The following RAD54B variants were observed in gnomAD, a reference collection of about 807,000 sequenced individuals.
The protein encoded by RAD54B is RAD54 homolog B, also known as DNA repair and recombination protein RAD54B.
RAD54B carries 78 observed loss-of-function variants against 95.8 expected under a neutral mutation model. The ratio of observed to expected loss-of-function variants is 0.81; its 90% CI spans 0.68 to 0.98. RAD54B has a LOEUF of 0.98. Ranked by LOEUF, RAD54B falls within the 50% of genes least tolerant of loss-of-function variation. The pLI, the probability that RAD54B is intolerant of heterozygous loss-of-function variation, is 0.00. For synonymous variants in RAD54B, 328 were observed against 354.9 expected (o/e 0.92, Z 0.85); for missense variants, 957 against 1,056.6 (o/e 0.91, Z 1.31).
chr8:94,395,413 G>A (rs1194138766), intron 8 of RAD54B, among the ~76,000 whole-genome samples: 1 of 152,048 alleles, frequency 6.6e-6, no homozygotes, highest in Admixed American at 6.6e-5. Context: ...CCATAACGTT[G>A]GTCCTGAAAT....
In RAD54B at chr8:94,372,341, A is replaced by G; in HGVS notation, c.2562T>C (p.Gly854=). The part of the protein sequence containing the change: ...KFIVSRDCQL[G]PHHQKSNSLK... The stretch of plus-strand genomic sequence containing the variant: ...GGGAGTTAGATTTCTGGTGATGTGG[A>G]CCAAGCTGACAATCTCTAGAGACAA... Residue 854 remains glycine, a synonymous_variant, in exon 15 of 15, where the codon GGT becomes GGC. Coordinates refer to ENST00000336148, the MANE Select transcript of RAD54B (RefSeq NM_012415.3). 1 of 1,613,770 alleles carries G rather than the reference A, an allele frequency of 6.2e-7. No individual in the cohort carries two copies. Among genetic ancestry groups the G allele is most frequent in the Non-Finnish European group, 8.5e-7 (1 of 1,179,888 alleles).
chr8:94,385,873 G>C (rs917039428), intron 11 of RAD54B, among the ~76,000 whole-genome samples: 1 of 152,218 alleles, frequency 6.6e-6, no homozygotes, highest in Non-Finnish European at 1.5e-5. Context: ...AGGTGGTTTG[G>C]TATGACTGGA....
At chr8:94,442,576 G>GAAAAA (rs531694623) in intron 3 of RAD54B, among the ~76,000 whole-genome samples, 3 of 45,290 alleles carry the variant, frequency 6.6e-5, no homozygotes, top group Non-Finnish European at 1.4e-4. Context: ...CTCTGTCTCA[G>GAAAAA]AAAAAAAAAA....
intron 4 of RAD54B, 86 bp from the exon 5 acceptor site, chr8:94,407,806 G>C (rs1213389950): frequency 8.8e-7 from 1 of 1,134,952 alleles, no homozygotes; most frequent in African/African-American, 1.6e-5. Flanking sequence ...ACTGCACTTT[G>C]AATGTAAATA....
chr8:94,427,055 A>G (rs1811960399), intron 3 of RAD54B, among the ~76,000 whole-genome samples: 1 of 152,186 alleles, frequency 6.6e-6, no homozygotes, highest in Admixed American at 6.5e-5. Flanking sequence ...GATACTTACT[A>G]TAACTATCTT....
chr8:94,381,252 A>C (rs776335513), intron 11 of RAD54B, among the ~76,000 whole-genome samples: 1 of 152,240 alleles, frequency 6.6e-6, no homozygotes, highest in Non-Finnish European at 1.5e-5. Context: ...ATACTACTAA[A>C]GGATTCATCT....
intron 1 of RAD54B, among the ~76,000 whole-genome samples, chr8:94,468,621 C>A (rs897170082): frequency 2.0e-5 from 3 of 151,558 alleles, no homozygotes; most frequent in African/African-American, 7.3e-5. Flanking sequence ...GTCAGGAGAT[C>A]GAGACCATCC....
intron 7 of RAD54B, 42 bp downstream of exon 7, chr8:94,400,196 A>G (rs1300069018): frequency 6.5e-6 from 10 of 1,534,630 alleles, no homozygotes; most frequent in African/African-American, 4.1e-5. Context: ...GAAAAACTAG[A>G]TTTTTTTTAA....
At chr8:94,372,744 G>T (rs1369792171) in intron 14 of RAD54B, among the ~76,000 whole-genome samples, 1 of 152,008 alleles carries the variant, frequency 6.6e-6, no homozygotes, top group Non-Finnish European at 1.5e-5. Context: ...AATATAATTC[G>T]AACAATCTGG....
At chr8:94,378,666 C>T in intron 12 of RAD54B, 32 bp from the exon 13 acceptor site, 1 of 1,460,266 alleles carries the variant, frequency 6.8e-7, no homozygotes, top group Non-Finnish European at 9.5e-7. Context: ...TCTGAGAGTA[C>T]AGTAGAAACT....
At chr8:94,471,263 G>C (rs1485290199) in intron 1 of RAD54B, among the ~76,000 whole-genome samples, 1 of 121,034 alleles carries the variant, frequency 8.3e-6, no homozygotes, top group Non-Finnish European at 1.7e-5. Flanking sequence ...ACCATTAATG[G>C]GTGGCGGGGG....
chr8:94,434,228 T>C, intron 3 of RAD54B, among the ~76,000 whole-genome samples: 1 of 151,866 alleles, frequency 6.6e-6, no homozygotes. Flanking sequence ...GTATGTAAAA[T>C]AGAGAGTATA....
At chr8:94,463,714 T>C (rs993836433) in intron 2 of RAD54B, among the ~76,000 whole-genome samples, 3 of 151,802 alleles carry the variant, frequency 2.0e-5, no homozygotes, top group South Asian at 2.1e-4. Context: ...CCCATCTCTA[T>C]AAAAAATTTA....
At chr8:94,465,230 A>T (rs1413382154) in intron 2 of RAD54B, among the ~76,000 whole-genome samples, 3 of 152,240 alleles carry the variant, frequency 2.0e-5, no homozygotes, top group African/African-American at 7.2e-5. Context: ...GGTAAGTGCT[A>T]AACAATCTAC....
At chr8:94,394,514 A>G (rs563481862) in intron 8 of RAD54B, among the ~76,000 whole-genome samples, 1 of 152,278 alleles carries the variant, frequency 6.6e-6, no homozygotes, top group East Asian at 1.9e-4. Flanking sequence ...CCTGACACTC[A>G]GTAGACACTC....
intron 2 of RAD54B, among the ~76,000 whole-genome samples, chr8:94,458,880 A>C (rs1159331540): frequency 6.6e-6 from 1 of 152,106 alleles, no homozygotes; most frequent in Non-Finnish European, 1.5e-5. Context: ...AAAAAAAATT[A>C]ACTAATTAAT....
At chr8:94,436,896 T>TC in intron 3 of RAD54B, 1 of 1,489,290 alleles carries the variant, frequency 6.7e-7, no homozygotes, top group Non-Finnish European at 8.9e-7. Flanking sequence ...GTAGGCAGTT[T>TC]CTGAAACCAC....
intron 2 of RAD54B, among the ~76,000 whole-genome samples, chr8:94,459,382 C>G (rs1812849456): frequency 6.6e-6 from 1 of 151,692 alleles, no homozygotes; most frequent in African/African-American, 2.4e-5. Context: ...AACTCCTGGC[C>G]TCAAGCAATC....
At chr8:94,425,103 A>C (rs531780629) in intron 3 of RAD54B, among the ~76,000 whole-genome samples, 1 of 150,804 alleles carries the variant, frequency 6.6e-6, no homozygotes, top group East Asian at 1.9e-4. Flanking sequence ...ATGTTTTGAT[A>C]AAGGGAAATA....
Sources: gnomAD v4.1 joint callset for allele counts (sites outside exome capture counted in the v4.1 genomes callset) on GRCh38, gnomAD v4.1.1 for gene constraint, MANE v1.5 for transcripts, NCBI Gene and HGNC (gene_info 2026-07-23, HGNC 2026-07-21) for gene names.